The following DZANK1 variants were observed in gnomAD, a reference collection of about 807,000 sequenced individuals.
DZANK1 encodes the protein double zinc ribbon and ankyrin repeat-containing protein 1.
DZANK1 carries 91 observed loss-of-function variants against 94.5 expected under a neutral mutation model. That is an observed-to-expected ratio of 0.96 (90% confidence interval 0.81 to 1.15). The LOEUF is 1.15. Ranked by LOEUF, DZANK1 falls within the 50% of genes most tolerant of loss-of-function variation. DZANK1 has a pLI of 0.00. For missense variants in DZANK1, 903 were observed against 916.4 expected (o/e 0.99, Z 0.19); for synonymous variants, 312 against 325.3 (o/e 0.96, Z 0.44).
At chr20:18,437,569 G>C (rs186645854) in intron 8 of DZANK1, among the ~76,000 whole-genome samples, 1 of 151,690 alleles carries the variant, frequency 6.6e-6, no homozygotes, top group East Asian at 1.9e-4. Context: ...GATGACAGAG[G>C]GAGACTCTGT....
chr20:18,436,367 C>T (rs567762017), intron 8 of DZANK1, among the ~76,000 whole-genome samples: 1 of 149,778 alleles, frequency 6.7e-6, no homozygotes, highest in South Asian at 2.1e-4. Flanking sequence ...TGGCGTGAAC[C>T]CGGGAGGCGG....
At chr20:18,389,621 T>C (rs2055840377) in intron 19 of DZANK1, 80 bp downstream of exon 19, 1 of 1,572,176 alleles carries the variant, frequency 6.4e-7, no homozygotes, top group Non-Finnish European at 8.6e-7. Context: ...GGTGTGTGTG[T>C]AGACCGCTTC....
At chr20:18,404,646 A>G (rs887892478) in intron 13 of DZANK1, among the ~76,000 whole-genome samples, 2 of 152,252 alleles carry the variant, frequency 1.3e-5, no homozygotes, top group African/African-American at 2.4e-5. Flanking sequence ...AGGGGAAAAA[A>G]CATGCAACAG....
intron 5 of DZANK1, 100 bp from the exon 6 acceptor site, chr20:18,452,839 T>C (rs2059152545): frequency 1.0e-5 from 12 of 1,197,416 alleles, no homozygotes; most frequent in South Asian, 3.3e-5. Context: ...AAAGAACCAC[T>C]GTCACCACAT....
chr20:18,388,589 A>T (rs1211979760), intron 19 of DZANK1, among the ~76,000 whole-genome samples: 2 of 152,218 alleles, frequency 1.3e-5, no homozygotes, highest in African/African-American at 4.8e-5. Flanking sequence ...TTAACACAAA[A>T]CAAGGCAGCA....
chr20:18,448,064 A>G (rs955944624), intron 7 of DZANK1, among the ~76,000 whole-genome samples: 1 of 152,190 alleles, frequency 6.6e-6, no homozygotes, highest in African/African-American at 2.4e-5. Flanking sequence ...TCACTTTTGT[A>G]TATACAGTAA....
chr20:18,461,471 C>T (rs1425212415), intron 2 of DZANK1, among the ~76,000 whole-genome samples: 1 of 151,876 alleles, frequency 6.6e-6, no homozygotes, highest in Non-Finnish European at 1.5e-5. Context: ...TTTTCCTTTT[C>T]TTTGTTTCTT....
intron 2 of DZANK1, among the ~76,000 whole-genome samples, chr20:18,463,663 C>G (rs549880396): frequency 6.6e-6 from 1 of 152,230 alleles, no homozygotes; most frequent in East Asian, 1.9e-4. Flanking sequence ...TCAATAGTCA[C>G]CCAACTTCTC....
intron 7 of DZANK1, among the ~76,000 whole-genome samples, chr20:18,448,261 C>G (rs1217018885): frequency 1.3e-5 from 2 of 152,176 alleles, no homozygotes; most frequent in African/African-American, 4.8e-5. Flanking sequence ...AAAATAGTTA[C>G]GCTGAGTGAA....
chr20:18,386,112 C>T (rs995898060), intron 19 of DZANK1, among the ~76,000 whole-genome samples: 18 of 152,220 alleles, frequency 1.2e-4, no homozygotes, highest in African/African-American at 3.9e-4. Context: ...ATCCTCCACA[C>T]CTGCAGATGT....
chr20:18,396,566 G>A lies in DZANK1; in HGVS notation c.1537-20C>T, dbSNP rs1313830959. 1 of 1,599,856 alleles carries A rather than the reference G, an allele frequency of 6.3e-7. No individual in the cohort carries two copies. Among genetic ancestry groups the A allele is most frequent in the Non-Finnish European group, 8.6e-7 (1 of 1,168,890 alleles). ...GATAAGCTTTTAAAAGAGTTGTAGA[G>A]AGAATTCATAACTGTGGGTGTGGGA... is the stretch of plus-strand genomic sequence containing the variant. On this transcript the variant is annotated intron_variant, in intron 14 of 20. Transcript: ENST00000262547.
chr20:18,443,036 C>T lies in DZANK1; in HGVS notation c.747+311G>A, dbSNP rs542298207. Among the ~76,000 whole-genome samples, 194 of 152,124 alleles carry T rather than the reference C, an allele frequency of 1.3e-3. 2 individuals are homozygous for T. Among genetic ancestry groups the T allele is most frequent in the African/African-American group, 4.3e-3 (178 of 41,480 alleles). On this transcript the variant is annotated intron_variant, in intron 8 of 20. Coordinates refer to ENST00000262547, the Ensembl canonical transcript of DZANK1. Reference sequence around the variant, plus strand: ...CTTTATTTATTTCTAGAATATATTTCCTTATTATACCCAGGATATGAGCAG... The same window carrying T: ...CTTTATTTATTTCTAGAATATATTTTCTTATTATACCCAGGATATGAGCAG...
chr20:18,419,901 A>C (rs551428043), intron 10 of DZANK1, among the ~76,000 whole-genome samples: 33 of 149,278 alleles, frequency 2.2e-4, no homozygotes, highest in African/African-American at 7.3e-4. Flanking sequence ...AAAAAAAAAA[A>C]CAAACAGCTT....
intron 7 of DZANK1, among the ~76,000 whole-genome samples, chr20:18,444,090 C>A (rs1382719295): frequency 1.3e-5 from 2 of 152,182 alleles, no homozygotes; most frequent in Non-Finnish European, 2.9e-5. Context: ...TACTGCCATG[C>A]CTTTCCAGAC....
At chr20:18,405,747 A>C (rs1372458693) in intron 13 of DZANK1, among the ~76,000 whole-genome samples, 1 of 152,232 alleles carries the variant, frequency 6.6e-6, no homozygotes, top group Non-Finnish European at 1.5e-5. Flanking sequence ...GAGCAATCAC[A>C]ATACCTGGTT....
intron 13 of DZANK1, among the ~76,000 whole-genome samples, chr20:18,406,405 C>G (rs907548631): frequency 6.6e-6 from 1 of 152,216 alleles, no homozygotes; most frequent in Admixed American, 6.5e-5. Context: ...GGCCCCCCTT[C>G]TAGGCCCTAG....
At chr20:18,456,155 C>T (rs1482875404) in intron 3 of DZANK1, among the ~76,000 whole-genome samples, 1 of 152,168 alleles carries the variant, frequency 6.6e-6, no homozygotes, top group Non-Finnish European at 1.5e-5. Flanking sequence ...AAATGTGTTG[C>T]CTAGGTCATT....
At chr20:18,430,779 AC>A (rs1295613891) in intron 9 of DZANK1, among the ~76,000 whole-genome samples, 1 of 152,194 alleles carries the variant, frequency 6.6e-6, no homozygotes, top group African/African-American at 2.4e-5. Flanking sequence ...GTGCCACTGC[AC>A]TCCAGCCTAG....
At chr20:18,438,362 T>C (rs530655771) in intron 8 of DZANK1, among the ~76,000 whole-genome samples, 21 of 151,796 alleles carry the variant, frequency 1.4e-4, no homozygotes, top group African/African-American at 5.1e-4. Flanking sequence ...TAAATAGGAA[T>C]TGACTAAATA....
Sources: gnomAD v4.1 joint callset for allele counts (sites outside exome capture counted in the v4.1 genomes callset) on GRCh38, gnomAD v4.1.1 for gene constraint, MANE v1.5 for transcripts, NCBI Gene and HGNC (gene_info 2026-07-23, HGNC 2026-07-21) for gene names.